CATSPER3: variants seen among roughly 807,000 people sequenced by gnomAD.
CATSPER3 encodes the protein cation channel sperm associated 3.
CATSPER3 carries 23 observed loss-of-function variants against 36.6 expected under a neutral mutation model. That is an observed-to-expected ratio of 0.63 (90% CI 0.45 to 0.89). CATSPER3 has a LOEUF of 0.89. Ranked by LOEUF, CATSPER3 falls within the 40% of genes least tolerant of loss-of-function variation. The probability of loss-of-function intolerance (pLI) is 0.00; values close to 1 mark genes in which losing one functional copy is unlikely to be tolerated. For missense variants in CATSPER3, 474 were observed against 503.9 expected (o/e 0.94, Z 0.57); for synonymous variants, 172 against 184.1 (o/e 0.93, Z 0.53).
At chr5:134,984,107 CCTGT>C (rs1257640206) in intron 2 of CATSPER3, among the ~76,000 whole-genome samples, 3 of 152,126 alleles carry the variant, frequency 2.0e-5, no homozygotes, top group Non-Finnish European at 4.4e-5. Flanking sequence ...AAACTGGATC[CCTGT>C]CTCTCACCAT....
At chr5:135,011,429 T>TG in intron 7 of CATSPER3, 92 bp from the exon 8 acceptor site, 1 of 847,610 alleles carries the variant, frequency 1.2e-6, no homozygotes, top group Non-Finnish European at 2.0e-6. Context: ...ACCCTACACC[T>TG]GTGCAGGTGC....
intron 2 of CATSPER3, among the ~76,000 whole-genome samples, chr5:134,974,165 T>C (rs990791522): frequency 6.6e-6 from 1 of 152,008 alleles, no homozygotes; most frequent in Admixed American, 6.6e-5. Context: ...GATCAGGAAA[T>C]ATGGAGGCCA....
intron 2 of CATSPER3, among the ~76,000 whole-genome samples, chr5:134,970,930 A>G (rs950088801): frequency 3.9e-5 from 6 of 152,046 alleles, no homozygotes; most frequent in Non-Finnish European, 5.9e-5. Flanking sequence ...AAGCCTGGGC[A>G]ACAAAGTGGG....
At chr5:134,994,963 C>T (rs1751925868) in intron 2 of CATSPER3, among the ~76,000 whole-genome samples, 2 of 150,748 alleles carry the variant, frequency 1.3e-5, no homozygotes, top group South Asian at 4.2e-4. Context: ...TTCTTCCTTC[C>T]TCTCTGCCTC....
At position 134,967,916 on chromosome 5, in the gene CATSPER3, A is replaced by G; in HGVS notation, c.-76A>G. 2 of 1,104,870 alleles carry G rather than the reference A, an allele frequency of 1.8e-6. No homozygotes were observed. Among genetic ancestry groups the G allele is most frequent in the Non-Finnish European group, 2.8e-6 (2 of 723,204 alleles). The allele number at this position is 1,104,870 out of a possible 1,614,324, so 68.4% of individuals were successfully genotyped here. On this transcript the variant is annotated 5_prime_UTR_variant, in exon 1 of 8. Transcript: ENST00000282611. ...TTCTCTGCTGCCTCTCAGAATCCAG[A>G]CGCTAAGGAAAATCCCTAAGCAGAG...
intron 2 of CATSPER3, among the ~76,000 whole-genome samples, chr5:134,981,055 T>G (rs1016200474): frequency 2.0e-5 from 3 of 152,112 alleles, no homozygotes; most frequent in Non-Finnish European, 4.4e-5. Flanking sequence ...TCTTATTTCT[T>G]TTTATTTTTC....
intron 2 of CATSPER3, among the ~76,000 whole-genome samples, chr5:134,976,467 A>C (rs534235569): frequency 6.0e-5 from 9 of 151,220 alleles, no homozygotes; most frequent in Non-Finnish European, 1.0e-4. Flanking sequence ...GGGAAGCTCC[A>C]CCCCAGTGGC....
intron 2 of CATSPER3, among the ~76,000 whole-genome samples, chr5:134,978,976 C>A (rs968485673): frequency 9.2e-5 from 14 of 152,184 alleles, no homozygotes; most frequent in Non-Finnish European, 1.3e-4. Flanking sequence ...CCCGCCTCGG[C>A]CTCCCAAAGT....
intron 2 of CATSPER3, 38 bp downstream of exon 2, chr5:134,970,130 A>T (rs563766748): frequency 6.3e-7 from 1 of 1,587,342 alleles, no homozygotes; most frequent in South Asian, 1.1e-5. Flanking sequence ...TTCTTTTTTT[A>T]AAACATGCTT....
At position 134,975,800 on chromosome 5, in the gene CATSPER3, A is replaced by G. The variant is rs534284716; in HGVS notation, c.252+5708A>G. Among the ~76,000 whole-genome samples, 14 of 152,348 alleles carry G rather than the reference A, an allele frequency of 9.2e-5. No homozygotes were observed. In the South Asian group the frequency reaches 1.7e-3, roughly 18 times the overall value. On this transcript the variant is annotated intron_variant, in intron 2 of 7. Transcript: ENST00000282611. ...TATAGCCAAAGAAAATGAAATCTGT[A>G]TATTGAAGAGATATCTGCAATCCCA...
At chr5:134,975,660 G>A (rs1015046207) in intron 2 of CATSPER3, among the ~76,000 whole-genome samples, 45 of 152,256 alleles carry the variant, frequency 3.0e-4, no homozygotes, top group Middle Eastern at 6.8e-3. Context: ...GGAGAAAGGG[G>A]AACTCATACA....
At chr5:135,001,696 G>T in intron 3 of CATSPER3, among the ~76,000 whole-genome samples, 1 of 152,200 alleles carries the variant, frequency 6.6e-6, no homozygotes, top group Non-Finnish European at 1.5e-5. Flanking sequence ...ATGTTGAATT[G>T]ATCCCTTTAC....
At chr5:134,998,722 T>G (rs2149551305) in intron 3 of CATSPER3, among the ~76,000 whole-genome samples, 1 of 152,360 alleles carries the variant, frequency 6.6e-6, no homozygotes. Context: ...TGTCTTCTTT[T>G]GAGAGTGTCT....
chr5:135,010,440 A>G lies in CATSPER3; in HGVS notation c.1004A>G (p.Asp335Gly). ...TTTAAGAAGACCTTGAGCCACACTG[A>G]CCCAATGGTCTTGGATGATTTTGGC... ...ENFKKTLSHTDPMVLDDFGTS... is the reference protein window; with the variant it reads ...ENFKKTLSHTGPMVLDDFGTS... The change falls in exon 7 of 8, where the codon GAC becomes GGC. Residue 335 changes from aspartate to glycine, a missense_variant. Coordinates refer to ENST00000282611, the MANE Select transcript of CATSPER3 (RefSeq NM_178019.3). 2 of 1,613,542 alleles carry G rather than the reference A, an allele frequency of 1.2e-6. No individual in the cohort carries two copies. Among genetic ancestry groups the G allele is most frequent in the East Asian group, 4.5e-5 (2 of 44,872 alleles).
Position 135,009,525 on chromosome 5 carries a change from TG to T in CATSPER3, c.936+37del, listed in dbSNP as rs1346696485. 2.8e-6 allele frequency: 3 copies of T among 1,076,456 alleles called. No individual in the cohort carries two copies. The Admixed American group carries it at 8.3e-5, about 30-fold the overall frequency. The allele number at this position is 1,076,456 out of a possible 1,614,324, so 66.7% of individuals were successfully genotyped here. On this transcript the variant is annotated intron_variant, in intron 6 of 7. Transcript: ENST00000282611. The stretch of plus-strand genomic sequence containing the variant: ...CCCTGCAGGCAGGTGGACAGATGGG[TG>T]GATGGATCGTCAGGCTGATGAGATG...
intron 2 of CATSPER3, among the ~76,000 whole-genome samples, chr5:134,972,935 A>T (rs1355320728): frequency 6.6e-6 from 1 of 152,240 alleles, no homozygotes; most frequent in Non-Finnish European, 1.5e-5. Context: ...ATCACTTATC[A>T]TCAAACTTTG....
intron 1 of CATSPER3, chr5:134,969,539 A>G: frequency 3.8e-6 from 1 of 264,026 alleles, no homozygotes; most frequent in Non-Finnish European, 7.4e-6. Context: ...TGATTATTTG[A>G]TGATTATCAG....
intron 2 of CATSPER3, among the ~76,000 whole-genome samples, chr5:134,993,920 T>C (rs1300638146): frequency 2.0e-5 from 3 of 151,886 alleles, no homozygotes; most frequent in Admixed American, 2.0e-4. Context: ...AGATCAGGAG[T>C]TCGAGATCAG....
intron 3 of CATSPER3, among the ~76,000 whole-genome samples, chr5:135,003,096 G>T (rs1350736673): frequency 6.6e-6 from 1 of 152,086 alleles, no homozygotes; most frequent in Non-Finnish European, 1.5e-5. Context: ...ATCTACCTTT[G>T]GTCTTTGATG....
Sources: gnomAD v4.1 joint callset for allele counts (sites outside exome capture counted in the v4.1 genomes callset) on GRCh38, gnomAD v4.1.1 for gene constraint, MANE v1.5 for transcripts, NCBI Gene and HGNC (gene_info 2026-07-23, HGNC 2026-07-21) for gene names.